DNAJC15: variants seen among roughly 807,000 people sequenced by gnomAD.
The protein encoded by DNAJC15 is DnaJ heat shock protein family (Hsp40) member C15, also known as dnaJ homolog subfamily C member 15.
In DNAJC15, 27 loss-of-function variants were observed where a neutral mutation model predicts 22.4. That is an observed-to-expected ratio of 1.20 (90% CI 0.89 to 1.66). DNAJC15 has a LOEUF of 1.66. Ranked by LOEUF, DNAJC15 falls within the 40% of genes most tolerant of loss-of-function variation. The probability of loss-of-function intolerance (pLI) is 0.00; values close to 1 mark genes in which losing one functional copy is unlikely to be tolerated. For missense variants in DNAJC15, 208 were observed against 187.1 expected, an observed-to-expected ratio of 1.11 and a Z score of -0.65; for synonymous variants, 79 against 63.2, an observed-to-expected ratio of 1.25 and a Z score of -1.19.
At chr13:43,061,902 G>T (rs1306420911) in intron 1 of DNAJC15, among the ~76,000 whole-genome samples, 1 of 152,186 alleles carries the variant, frequency 6.6e-6, no homozygotes, top group Non-Finnish European at 1.5e-5. Context: ...TAGGAGATTA[G>T]CCTACCTGTC....
intron 5 of DNAJC15, among the ~76,000 whole-genome samples, chr13:43,101,475 CTT>C (rs886553961): frequency 9.9e-5 from 15 of 152,182 alleles, no homozygotes; most frequent in African/African-American, 3.1e-4. Flanking sequence ...CATGGAAAAG[CTT>C]TTTTGTGGTG....
chr13:43,032,500 G>C (rs558462410), intron 1 of DNAJC15, among the ~76,000 whole-genome samples: 1 of 152,274 alleles, frequency 6.6e-6, no homozygotes, highest in South Asian at 2.1e-4. Flanking sequence ...TTATGTCCTT[G>C]GAATATCATT....
intron 5 of DNAJC15, among the ~76,000 whole-genome samples, chr13:43,102,660 A>T (rs2040775840): frequency 6.6e-6 from 1 of 152,102 alleles, no homozygotes; most frequent in African/African-American, 2.4e-5. Flanking sequence ...GTGGTAAATT[A>T]CATCGATTAA....
At chr13:43,026,327 A>G (rs915718619) in intron 1 of DNAJC15, among the ~76,000 whole-genome samples, 1 of 152,240 alleles carries the variant, frequency 6.6e-6, no homozygotes, top group Admixed American at 6.5e-5. Flanking sequence ...TGAGGGATGC[A>G]AACAGTTTTT....
At chr13:43,098,602 A>G (rs1367625590) in intron 5 of DNAJC15, among the ~76,000 whole-genome samples, 1 of 152,204 alleles carries the variant, frequency 6.6e-6, no homozygotes, top group East Asian at 1.9e-4. Context: ...CATCCATTTA[A>G]GGTATACAGT....
chr13:43,101,322 CCT>C (rs1443691121), intron 5 of DNAJC15, among the ~76,000 whole-genome samples: 10 of 152,174 alleles, frequency 6.6e-5, no homozygotes, highest in African/African-American at 2.4e-4. Context: ...AGCCACTGTA[CCT>C]GGCTGGGTCA....
At chr13:43,049,119 C>T (rs1436581759) in intron 1 of DNAJC15, among the ~76,000 whole-genome samples, 1 of 152,036 alleles carries the variant, frequency 6.6e-6, no homozygotes, top group Non-Finnish European at 1.5e-5. Context: ...ATTTTCATAT[C>T]CCAATTTTTC....
intron 5 of DNAJC15, among the ~76,000 whole-genome samples, chr13:43,106,230 C>T (rs1265682987): frequency 6.6e-6 from 1 of 151,426 alleles, no homozygotes; most frequent in Non-Finnish European, 1.5e-5. Flanking sequence ...ATGGTTTGCA[C>T]TTAAGGGGAG....
At chr13:43,030,734 G>T (rs939922445) in intron 1 of DNAJC15, among the ~76,000 whole-genome samples, 12 of 152,146 alleles carry the variant, frequency 7.9e-5, no homozygotes, top group African/African-American at 2.9e-4. Context: ...TCTCAGACTG[G>T]GAACTCCCCA....
At chr13:43,083,453 T>C (rs569641717) in intron 4 of DNAJC15, among the ~76,000 whole-genome samples, 3 of 152,198 alleles carry the variant, frequency 2.0e-5, no homozygotes, top group African/African-American at 7.2e-5. Flanking sequence ...AGGCGTGAGC[T>C]ACTGCCCCCG....
chr13:43,070,934 G>C (rs1192562715), intron 3 of DNAJC15, among the ~76,000 whole-genome samples: 1 of 152,174 alleles, frequency 6.6e-6, no homozygotes, highest in Admixed American at 6.5e-5. Context: ...CCGGGTGATA[G>C]ATGATGGTGG....
At chr13:43,040,628 CAA>C (rs1301457140) in intron 1 of DNAJC15, among the ~76,000 whole-genome samples, 1 of 151,930 alleles carries the variant, frequency 6.6e-6, no homozygotes, top group Non-Finnish European at 1.5e-5. Flanking sequence ...GACACAGAGA[CAA>C]AGTATAGAGA....
chr13:43,054,805 G>A (rs185388863), intron 1 of DNAJC15, among the ~76,000 whole-genome samples: 11 of 152,190 alleles, frequency 7.2e-5, no homozygotes, highest in Admixed American at 5.2e-4. Flanking sequence ...GAGAGTCCCT[G>A]GCAGAAAACT....
chr13:43,033,008 G>T (rs1167738385), intron 1 of DNAJC15, among the ~76,000 whole-genome samples: 1 of 152,130 alleles, frequency 6.6e-6, no homozygotes, highest in African/African-American at 2.4e-5. Context: ...TGGCCAGAGC[G>T]GGAGGAAGAC....
chr13:43,050,396 C>A (rs2040497349), intron 1 of DNAJC15, among the ~76,000 whole-genome samples: 2 of 151,992 alleles, frequency 1.3e-5, no homozygotes, highest in Admixed American at 1.3e-4. Context: ...GCCTCAATCT[C>A]CTGGGCTCAA....
At chr13:43,066,149 T>TA (rs1278932383) in intron 2 of DNAJC15, among the ~76,000 whole-genome samples, 4 of 152,254 alleles carry the variant, frequency 2.6e-5, no homozygotes, top group African/African-American at 7.2e-5. Context: ...TTGTTCCGTG[T>TA]AGTTTATTGA....
chr13:43,074,364 A>G (rs2040622841), intron 3 of DNAJC15, among the ~76,000 whole-genome samples: 1 of 152,202 alleles, frequency 6.6e-6, no homozygotes. Flanking sequence ...TATATACAAT[A>G]TTTTATGAAT....
chr13:43,065,819 A>G (rs961889430), intron 2 of DNAJC15, 82 bp downstream of exon 2: 17 of 1,281,916 alleles, frequency 1.3e-5, no homozygotes, highest in East Asian at 2.3e-5. Context: ...GTAGACCCTT[A>G]GTATTCTGAG....
intron 4 of DNAJC15, among the ~76,000 whole-genome samples, chr13:43,083,818 C>G (rs556875648): frequency 2.0e-5 from 3 of 152,116 alleles, no homozygotes; most frequent in Non-Finnish European, 4.4e-5. Flanking sequence ...CTGGGAGGTA[C>G]CTACAAGCCA....
Sources: gnomAD v4.1 joint callset for allele counts (sites outside exome capture counted in the v4.1 genomes callset) on GRCh38, gnomAD v4.1.1 for gene constraint, MANE v1.5 for transcripts, NCBI Gene and HGNC (gene_info 2026-07-23, HGNC 2026-07-21) for gene names.